Variants in ADARB2 observed in about 807,000 individuals in gnomAD.
ADARB2 encodes the protein adenosine deaminase RNA specific B2 (inactive), also known as inactive double-stranded RNA-specific editase B2.
ADARB2 carries 25 observed loss-of-function variants against 62.2 expected under a neutral mutation model. That is an observed-to-expected ratio of 0.40 (90% CI 0.29 to 0.56). The LOEUF (loss-of-function observed/expected upper bound fraction) is 0.56, where lower values mean the gene tolerates loss of function less well. Among genes scored for constraint, ADARB2 ranks in the 20% least tolerant of loss-of-function variants. The pLI is 0.43. For synonymous variants in ADARB2, 572 were observed against 500.8 expected (o/e 1.14, Z -1.90); for missense variants, 1,071 against 1,077.4 (o/e 0.99, Z 0.08).
chr10:1,548,309 C>T (rs1347030147), intron 1 of ADARB2, among the ~76,000 whole-genome samples: 9 of 152,182 alleles, frequency 5.9e-5, no homozygotes, highest in African/African-American at 2.2e-4. Flanking sequence ...CACCCAGGCT[C>T]CCCTCCCTTC....
rs185605549 is a variant in ADARB2 at position 1,227,344 on chromosome 10, C to T, written c.1513+6350G>A. Among the ~76,000 whole-genome samples, 44 of 152,340 alleles carry T rather than the reference C, an allele frequency of 2.9e-4. 1 individual carries two copies. The highest frequency in any genetic ancestry group is 2.2e-3 in the Admixed American group (34 of 15,308). The stretch of plus-strand genomic sequence containing the variant: ...ACTAGGAAAGGGAATTCCATGACCC[C>T]TTGCGCTTCCCGGGTGAGGCGATGC... On this transcript the variant is annotated intron_variant, in intron 6 of 9. Coordinates refer to ENST00000381312, the MANE Select transcript of ADARB2 (RefSeq NM_018702.4).
At chr10:1,495,504 G>C (rs1415800900) in intron 1 of ADARB2, among the ~76,000 whole-genome samples, 1 of 152,158 alleles carries the variant, frequency 6.6e-6, no homozygotes, top group Non-Finnish European at 1.5e-5. Context: ...TTATACCCAG[G>C]TTGATGAATA....
intron 1 of ADARB2, among the ~76,000 whole-genome samples, chr10:1,495,054 T>C (rs1831669592): frequency 1.3e-5 from 2 of 152,240 alleles, no homozygotes; most frequent in Non-Finnish European, 2.9e-5. Context: ...TCTTGGATTA[T>C]CTCCTAATTT....
intron 1 of ADARB2, among the ~76,000 whole-genome samples, chr10:1,408,570 G>A (rs958172733): frequency 6.6e-6 from 1 of 152,196 alleles, no homozygotes; most frequent in African/African-American, 2.4e-5. Flanking sequence ...CGTCCAGCAT[G>A]AATATGCCCA....
At chr10:1,200,738 C>G (rs1158084742) in intron 7 of ADARB2, among the ~76,000 whole-genome samples, 1 of 152,072 alleles carries the variant, frequency 6.6e-6, no homozygotes, top group Non-Finnish European at 1.5e-5. Context: ...GCAAAAATGC[C>G]AAGAGCACTG....
At chr10:1,340,769 G>A (rs1219979272) in intron 3 of ADARB2, among the ~76,000 whole-genome samples, 4 of 144,198 alleles carry the variant, frequency 2.8e-5, no homozygotes, top group East Asian at 2.1e-4. Context: ...GCCCCACAGC[G>A]GCGATAACCA....
chr10:1,392,448 G>C (rs1832578373), intron 1 of ADARB2, among the ~76,000 whole-genome samples: 1 of 152,154 alleles, frequency 6.6e-6, no homozygotes, highest in South Asian at 2.1e-4. Context: ...CAGAATACAG[G>C]TATGTCTTCA....
In ADARB2 at chr10:1,731,724, G is replaced by C. The variant is rs528892575; in HGVS notation, c.100+5327C>G. 2.6e-5 allele frequency among the ~76,000 whole-genome samples: 4 copies of C among 152,286 alleles called. No individual in the cohort carries two copies. The South Asian group carries it at 8.3e-4, about 32-fold the overall frequency. On this transcript the variant is annotated intron_variant, in intron 1 of 9. Coordinates refer to ENST00000381312, the MANE Select transcript of ADARB2 (RefSeq NM_018702.4). ...TGCAAATACTTAACAACACGAATCA[G>C]GTTCTCGGCCACACACCAGGCAGAG...
At chr10:1,661,071 C>T (rs926422392) in intron 1 of ADARB2, among the ~76,000 whole-genome samples, 8 of 152,152 alleles carry the variant, frequency 5.3e-5, no homozygotes, top group Middle Eastern at 3.2e-3. Flanking sequence ...TCCGAGCCTG[C>T]GATAAGCTCC....
chr10:1,357,372 T>C (rs12416628), intron 3 of ADARB2, among the ~76,000 whole-genome samples: 18,441 of 152,150 alleles, frequency 0.12, 1,256 homozygotes, highest in South Asian at 0.25. Flanking sequence ...GTGGGCACAG[T>C]GGCAGACAGG....
intron 1 of ADARB2, among the ~76,000 whole-genome samples, chr10:1,626,451 C>G (rs11250678): frequency 6.6e-6 from 1 of 151,022 alleles, no homozygotes; most frequent in African/African-American, 2.4e-5. Flanking sequence ...CGTCTGCCCA[C>G]GCCTCAGGCA....
At chr10:1,408,257 A>G (rs1225042974) in intron 1 of ADARB2, among the ~76,000 whole-genome samples, 1 of 152,232 alleles carries the variant, frequency 6.6e-6, no homozygotes, top group Non-Finnish European at 1.5e-5. Context: ...TAAAATGTCT[A>G]CATAACACAT....
At chr10:1,223,658 T>A (rs984918703) in intron 6 of ADARB2, among the ~76,000 whole-genome samples, 1 of 152,216 alleles carries the variant, frequency 6.6e-6, no homozygotes, top group Non-Finnish European at 1.5e-5. Context: ...GTCAAAGGCC[T>A]TTTCTGCATC....
Position 1,202,604 on chromosome 10 carries a change from G to A in ADARB2, c.1683-2457C>T, listed in dbSNP as rs1423555586. Among the ~76,000 whole-genome samples, 7 of 152,334 alleles carry A rather than the reference G, an allele frequency of 4.6e-5. No individual in the cohort carries two copies. The South Asian group carries it at 6.2e-4, about 14-fold the overall frequency. On this transcript the variant is annotated intron_variant, in intron 7 of 9. Coordinates refer to ENST00000381312, the MANE Select transcript of ADARB2 (RefSeq NM_018702.4). ...GCCCTCCTCGGGACGTAAGATGCCC[G>A]TTCTCAGATTTGGAGATGCCAGAAA...
At chr10:1,483,093 C>A (rs74121004) in intron 1 of ADARB2, among the ~76,000 whole-genome samples, 2,999 of 152,214 alleles carry the variant, frequency 0.02, 93 homozygotes, top group African/African-American at 0.068. Context: ...TGTTCCTGTA[C>A]ACTGTGTTGT....
At chr10:1,362,711 C>G (rs754857074) in intron 3 of ADARB2, among the ~76,000 whole-genome samples, 1 of 152,170 alleles carries the variant, frequency 6.6e-6, no homozygotes, top group South Asian at 2.1e-4. Flanking sequence ...TCCGACCCTA[C>G]GCGTGGAGAC....
intron 3 of ADARB2, among the ~76,000 whole-genome samples, chr10:1,299,625 C>T (rs1283054789): frequency 6.6e-6 from 1 of 152,142 alleles, no homozygotes; most frequent in East Asian, 1.9e-4. Context: ...GGGAAGCTGC[C>T]CTCCCATCCC....
chr10:1,305,958 C>G (rs1339584567), intron 3 of ADARB2, among the ~76,000 whole-genome samples: 1 of 152,026 alleles, frequency 6.6e-6, no homozygotes, highest in Non-Finnish European at 1.5e-5. Context: ...ACTGAATGGG[C>G]AAAAACTGGA....
chr10:1,368,830 GGGGCC>G (rs1832336783), intron 2 of ADARB2, among the ~76,000 whole-genome samples: 1 of 145,616 alleles, frequency 6.9e-6, no homozygotes, highest in African/African-American at 2.6e-5. Flanking sequence ...TGACAGTCCT[GGGGCC>G]GGGCTGGGTG....
Sources: allele counts gnomAD v4.1 joint callset (sites outside exome capture counted in the v4.1 genomes callset), GRCh38; gene constraint gnomAD v4.1.1; transcripts MANE v1.5; gene names NCBI Gene and HGNC (gene_info 2026-07-23, HGNC 2026-07-21).